Variants in TRIM67 observed in about 807,000 individuals in gnomAD.
TRIM67 encodes tripartite motif-containing protein 67.
In TRIM67, 39 loss-of-function variants were observed where a neutral mutation model predicts 71.0. The ratio of observed to expected loss-of-function variants is 0.55; its 90% confidence interval spans 0.43 to 0.72. The LOEUF is 0.72. Among genes scored for constraint, TRIM67 ranks in the 30% least tolerant of loss-of-function variants. TRIM67 has a pLI of 0.00. For synonymous variants in TRIM67, 481 were observed against 473.9 expected (o/e 1.01, Z -0.19); for missense variants, 973 against 1,079.2 (o/e 0.90, Z 1.38).
rs1485467757 is a variant in TRIM67 at position 231,209,261 on chromosome 1, G to GC, written c.2123+15dup. 5 of 1,525,020 alleles carry GC rather than the reference G, an allele frequency of 3.3e-6. No individual in the cohort carries two copies. Among genetic ancestry groups the GC allele is most frequent in the Non-Finnish European group, 4.4e-6 (5 of 1,130,774 alleles). The allele number at this position is 1,525,020 out of a possible 1,614,324, so 94.5% of individuals were successfully genotyped here. ...CTCCCACACCAACAGGTGCGATTGGGCCCCATCCTGCCTCCCGTGGACACA... is the reference window on the plus strand; with the variant it reads ...CTCCCACACCAACAGGTGCGATTGGGCCCCCATCCTGCCTCCCGTGGACACA... On this transcript the variant is annotated intron_variant, in intron 8 of 9. Transcript: ENST00000366653. This position sits in a 1 kb window ranked among gnomAD's most constrained non-coding sequence, Gnocchi z 4.1.
intron 1 of TRIM67, among the ~76,000 whole-genome samples, chr1:231,190,790 G>A (rs1683210427): frequency 6.6e-6 from 1 of 152,196 alleles, no homozygotes; most frequent in Non-Finnish European, 1.5e-5. Flanking sequence ...AATCCGGGAG[G>A]TCTGGCTGCC....
chr1:231,217,492 C>T lies in TRIM67; in HGVS notation c.*2052C>T, dbSNP rs1002255305. The T allele has an allele frequency of 6.0e-6, 6 of 1,004,902 alleles. No individual in the cohort carries two copies. In the Admixed American group the frequency reaches 3.3e-4, roughly 56 times the overall value. 62.2% of individuals were successfully genotyped at this position (1,004,902 alleles called of 1,614,324 possible). ...AGCTCTGGGTGGCCTTTGCTTGGAG[C>T]ATGGAGACGATCCCTAAAGATTGAG... On this transcript the variant is annotated 3_prime_UTR_variant, in exon 10 of 10. Transcript: ENST00000366653.
intron 6 of TRIM67, among the ~76,000 whole-genome samples, chr1:231,206,270 A>AAT (rs548111843): frequency 0.016 from 2,419 of 147,516 alleles, 20 homozygotes; most frequent in Middle Eastern, 0.038. Flanking sequence ...TCTCTACTAA[A>AAT]ATATATATAT....
chr1:231,181,436 C>T (rs1384792992), intron 1 of TRIM67, among the ~76,000 whole-genome samples: 2 of 152,154 alleles, frequency 1.3e-5, no homozygotes, highest in Admixed American at 6.5e-5. Context: ...AAGAAGTGAA[C>T]GTTTGTGGTT....
chr1:231,189,580 T>C (rs1683180172), intron 1 of TRIM67, among the ~76,000 whole-genome samples: 1 of 152,226 alleles, frequency 6.6e-6, no homozygotes, highest in Middle Eastern at 3.4e-3. Flanking sequence ...ACAAAAGGAA[T>C]GTACTTCTCA....
intron 6 of TRIM67, 142 bp from the exon 7 acceptor site, chr1:231,206,510 T>C (rs1333059949): frequency 4.0e-6 from 3 of 744,932 alleles, no homozygotes; most frequent in Non-Finnish European, 6.0e-6. Flanking sequence ...ACTCAAGCGA[T>C]GCTCCCACCT....
intron 1 of TRIM67, among the ~76,000 whole-genome samples, chr1:231,165,331 C>G (rs1350251969): frequency 2.6e-5 from 4 of 152,160 alleles, no homozygotes; most frequent in African/African-American, 9.7e-5. Flanking sequence ...CTGTATGAGT[C>G]TAGGCACAAT....
intron 1 of TRIM67, among the ~76,000 whole-genome samples, chr1:231,178,650 C>T (rs1682820079): frequency 6.6e-6 from 1 of 152,180 alleles, no homozygotes; most frequent in African/African-American, 2.4e-5. Context: ...TGAACGGGTG[C>T]CTAGAAAGAT....
intron 2 of TRIM67, 122 bp downstream of exon 2, chr1:231,197,588 G>T (rs1296859048): frequency 1.3e-6 from 1 of 764,136 alleles, no homozygotes. Flanking sequence ...CACTTTGGGA[G>T]GCCGAGGCGG....
chr1:231,175,057 T>C (rs1682709534), intron 1 of TRIM67, among the ~76,000 whole-genome samples: 1 of 152,188 alleles, frequency 6.6e-6, no homozygotes, highest in Non-Finnish European at 1.5e-5. Flanking sequence ...TACTGCTCCC[T>C]GCCAGTCCCA....
chr1:231,180,651 G>T lies in TRIM67; in HGVS notation c.1044+16638G>T, dbSNP rs150275997. 6.6e-5 allele frequency among the ~76,000 whole-genome samples: 10 copies of T among 152,270 alleles called. No individual in the cohort carries two copies. The East Asian group carries it at 1.9e-3, about 29-fold the overall frequency. On this transcript the variant is annotated intron_variant, in intron 1 of 9. Transcript: ENST00000366653. Reference sequence around the variant, plus strand: ...AATCAAGGGAAGGAAGAAAAAAGTCGCATGTGTTAATATGTTATTTATTTT... The same window carrying T: ...AATCAAGGGAAGGAAGAAAAAAGTCTCATGTGTTAATATGTTATTTATTTT...
chr1:231,181,156 A>G (rs1682896056), intron 1 of TRIM67, among the ~76,000 whole-genome samples: 1 of 152,132 alleles, frequency 6.6e-6, no homozygotes, highest in Non-Finnish European at 1.5e-5. Context: ...AGTAAAGATG[A>G]GGTTTTACCA....
In TRIM67 at chr1:231,215,616, G is replaced by A. The variant is rs554186869; in HGVS notation, c.*176G>A. ...TTGGGGACGCAGGGAATGGGTCCAC[G>A]GGCCATGCTCACAGCTGCCACTGTC... is the stretch of plus-strand genomic sequence containing the variant. On this transcript the variant is annotated 3_prime_UTR_variant, in exon 10 of 10. Transcript: ENST00000366653. The A allele has an allele frequency of 1.0e-5, 14 of 1,383,684 alleles. No homozygotes were observed. The highest frequency in any genetic ancestry group is 8.7e-5 in the African/African-American group (6 of 68,794). The allele number at this position is 1,383,684 out of a possible 1,614,324, so 85.7% of individuals were successfully genotyped here. A position where few individuals can be genotyped will look rare whatever the true frequency, so the allele number is the denominator to read the frequency against.
At chr1:231,199,997 G>A (rs935108159) in intron 3 of TRIM67, 151 bp from the exon 4 acceptor site, 20 of 608,552 alleles carry the variant, frequency 3.3e-5, no homozygotes, top group Non-Finnish European at 4.5e-5. Flanking sequence ...ATGGAGCTTA[G>A]CAGCAGAGCT....
At chr1:231,165,519 G>C (rs1351262910) in intron 1 of TRIM67, among the ~76,000 whole-genome samples, 1 of 152,164 alleles carries the variant, frequency 6.6e-6, no homozygotes, top group African/African-American at 2.4e-5. Flanking sequence ...GAAAGCTACA[G>C]GGAAGTAGCA....
Position 231,209,013 on chromosome 1 carries a change from C to A in TRIM67, c.1886C>A (p.Thr629Lys). 3 of 1,612,616 alleles carry A rather than the reference C, an allele frequency of 1.9e-6. No individual in the cohort carries two copies. The highest frequency in any genetic ancestry group is 2.5e-6 in the Non-Finnish European group (3 of 1,178,892). ...ATCATTTTATCCAATGACAACCAGA[C>A]AGCCACCTGCAGCAGCTATGACGAC... ...RDIILSNDNQ[T>K]ATCSSYDDRV... The change falls in exon 8 of 10, where the codon ACA becomes AAA. Residue 629 changes from threonine to lysine, a missense_variant. By Grantham distance (78) the Thr-to-Lys change is moderately conservative. Around this residue, in one of 2 missense-constraint regions of TRIM67, gnomAD observed 178 missense variants for 247.9 expected, o/e 0.72. Coordinates refer to ENST00000366653, the MANE Select transcript of TRIM67 (RefSeq NM_001004342.5). This position sits in a 1 kb window ranked among gnomAD's most constrained non-coding sequence, Gnocchi z 4.1.
chr1:231,173,713 G>T lies in TRIM67; in HGVS notation c.1044+9700G>T, dbSNP rs78330367. Among the ~76,000 whole-genome samples, 2,092 of 152,298 alleles carry T rather than the reference G, an allele frequency of 0.014. 104 individuals carry two copies. In the East Asian group the frequency reaches 0.15, roughly 11 times the overall value. On this transcript the variant is annotated intron_variant, in intron 1 of 9. Coordinates refer to ENST00000366653, the MANE Select transcript of TRIM67 (RefSeq NM_001004342.5). ...CAGAACAGGTTGAATTTAATAGTAA[G>T]TGCTATGGGTAACCATCAGAAGGAT...
At chr1:231,212,842 C>T (rs116203244) in intron 8 of TRIM67, among the ~76,000 whole-genome samples, 3,072 of 152,260 alleles carry the variant, frequency 0.02, 39 homozygotes, top group Non-Finnish European at 0.029. Flanking sequence ...TCACTTCCAC[C>T]GAGTGGATGT....
intron 1 of TRIM67, chr1:231,185,146 G>A (rs1175240666): frequency 2.0e-6 from 3 of 1,532,898 alleles, no homozygotes; most frequent in Non-Finnish European, 2.6e-6. Flanking sequence ...GGAAGTGTGT[G>A]TTGTCCAGCC....
Sources: allele counts gnomAD v4.1 joint callset (sites outside exome capture counted in the v4.1 genomes callset), GRCh38; gene constraint gnomAD v4.1.1; regional missense constraint gnomAD v4.1.1; non-coding constraint Gnocchi (gnomAD v3.1); transcripts MANE v1.5; gene names NCBI Gene and HGNC (gene_info 2026-07-23, HGNC 2026-07-21).